The following TP63 variants were observed in gnomAD, a reference collection of about 807,000 sequenced individuals.
TP63 encodes tumor protein p63, also known as tumor protein 63.
In TP63, 17 loss-of-function variants were observed where a neutral mutation model predicts 82.8. The observed-to-expected ratio is 0.21, with a 90% confidence interval of 0.14 to 0.31. TP63 has a LOEUF of 0.31. TP63 is among the 10% of genes least tolerant of loss of function. The pLI is 1.00. For synonymous variants in TP63, 330 were observed against 321.7 expected (o/e 1.03, Z -0.28); for missense variants, 648 against 895.3 (o/e 0.72, Z 3.52).
rs71175304 is a variant in TP63 at position 189,694,790 on chromosome 3, C to CTTTTTTTTTTT, written c.63-42927_63-42917dup. 4.5e-3 allele frequency among the ~76,000 whole-genome samples: 147 copies of CTTTTTTTTTTT among 32,756 alleles called. 30 individuals carry two copies. The highest frequency in any genetic ancestry group is 6.4e-3 in the Admixed American group (9 of 1,408). 21.5% of individuals were successfully genotyped at this position (32,756 alleles called of 152,430 possible). On this transcript the variant is annotated intron_variant, in intron 1 of 13. Transcript: ENST00000264731. ...TTGAAAGGAGGCCAGTATTTACAGC[C>CTTTTTTTTTTT]TTTTTTTTTTTTTTTTTTTTTTTTT... is the stretch of plus-strand genomic sequence containing the variant.
chr3:189,806,935 G>A (rs1005422126), intron 3 of TP63, among the ~76,000 whole-genome samples: 2 of 152,034 alleles, frequency 1.3e-5, no homozygotes. Context: ...AAAAAGATAA[G>A]CCTAGCTCCT....
chr3:189,715,243 T>C (rs1023231146), intron 1 of TP63, among the ~76,000 whole-genome samples: 1 of 152,158 alleles, frequency 6.6e-6, no homozygotes, highest in South Asian at 2.1e-4. Flanking sequence ...TTAGTCACCC[T>C]GAGTAGGAAA....
At chr3:189,661,403 G>A (rs565821214) in intron 1 of TP63, among the ~76,000 whole-genome samples, 24 of 151,866 alleles carry the variant, frequency 1.6e-4, no homozygotes, top group Non-Finnish European at 2.8e-4. Context: ...TGAACCCAGC[G>A]TGCATCCCAG....
chr3:189,820,069 G>T (rs992433738), intron 4 of TP63, among the ~76,000 whole-genome samples: 2 of 152,068 alleles, frequency 1.3e-5, no homozygotes, highest in African/African-American at 4.8e-5. Context: ...TTTATCTATT[G>T]TCAATGACTA....
the TP63 span, among the ~76,000 whole-genome samples, chr3:189,618,774 C>G: frequency 6.6e-6 from 1 of 152,126 alleles, no homozygotes; most frequent in African/African-American, 2.4e-5. Flanking sequence ...ACATAGTCTT[C>G]TGGTGAATTT....
intron 3 of TP63, among the ~76,000 whole-genome samples, chr3:189,763,299 G>A (rs1309021703): frequency 6.6e-6 from 1 of 151,836 alleles, no homozygotes; most frequent in Non-Finnish European, 1.5e-5. Context: ...AAAAAGGAGG[G>A]TACTGCTGGG....
At chr3:189,878,589 T>C (rs1560292910) in intron 10 of TP63, among the ~76,000 whole-genome samples, 1 of 87,170 alleles carries the variant, frequency 1.1e-5, no homozygotes, top group East Asian at 2.8e-4. Flanking sequence ...ATAATTTTTT[T>C]TTTCTTTTTT....
chr3:189,705,476 A>G (rs1221591122), intron 1 of TP63, among the ~76,000 whole-genome samples: 1 of 148,942 alleles, frequency 6.7e-6, no homozygotes, highest in East Asian at 2.0e-4. Context: ...TTCTTATTCA[A>G]TTCTTTTCAT....
At chr3:189,759,965 G>A (rs1487892031) in intron 3 of TP63, among the ~76,000 whole-genome samples, 1 of 152,216 alleles carries the variant, frequency 6.6e-6, no homozygotes, top group Admixed American at 6.5e-5. Context: ...GAGAGCTTGT[G>A]TGGAGAAACT....
At chr3:189,638,880 T>A (rs1711560902) in intron 1 of TP63, among the ~76,000 whole-genome samples, 1 of 152,130 alleles carries the variant, frequency 6.6e-6, no homozygotes, top group Non-Finnish European at 1.5e-5. Flanking sequence ...CACCCAGTTT[T>A]GAAAATCACT....
the TP63 span, among the ~76,000 whole-genome samples, chr3:189,623,261 G>T: frequency 6.6e-6 from 1 of 152,134 alleles, no homozygotes; most frequent in Non-Finnish European, 1.5e-5. Context: ...GTGAATCTAT[G>T]TCTGAAAGAG....
chr3:189,750,935 A>G (rs1721771020), intron 3 of TP63, among the ~76,000 whole-genome samples: 1 of 152,046 alleles, frequency 6.6e-6, no homozygotes, highest in African/African-American at 2.4e-5. Flanking sequence ...AATCATTTGT[A>G]TTAAGTGTTT....
At chr3:189,741,178 C>T (rs1397222591) in intron 3 of TP63, among the ~76,000 whole-genome samples, 1 of 150,868 alleles carries the variant, frequency 6.6e-6, no homozygotes, top group Non-Finnish European at 1.5e-5. Flanking sequence ...AATAAACTTG[C>T]CTATCTGTGG....
chr3:189,859,809 T>C (rs1053088468), intron 4 of TP63, among the ~76,000 whole-genome samples: 1 of 152,140 alleles, frequency 6.6e-6, no homozygotes, highest in Non-Finnish European at 1.5e-5. Flanking sequence ...TGAAGTGCTA[T>C]TCAAAAATAC....
intron 3 of TP63, among the ~76,000 whole-genome samples, chr3:189,797,350 C>T (rs905961052): frequency 2.0e-5 from 3 of 152,054 alleles, no homozygotes; most frequent in South Asian, 4.1e-4. Context: ...TTACCACCCC[C>T]GAAGTGAGCT....
At chr3:189,632,154 T>C (rs1163443229) in intron 1 of TP63, among the ~76,000 whole-genome samples, 1 of 152,162 alleles carries the variant, frequency 6.6e-6, no homozygotes, top group Non-Finnish European at 1.5e-5. Flanking sequence ...TTAGTGAGGG[T>C]GCACAATTGT....
At chr3:189,894,001 G>A (rs1721272079) in intron 13 of TP63, among the ~76,000 whole-genome samples, 1 of 152,140 alleles carries the variant, frequency 6.6e-6, no homozygotes, top group Admixed American at 6.5e-5. Context: ...GTTCTACACA[G>A]GCAGGAAAGA....
chr3:189,698,018 A>C (rs970226107), intron 1 of TP63, among the ~76,000 whole-genome samples: 3 of 152,068 alleles, frequency 2.0e-5, no homozygotes, highest in African/African-American at 4.8e-5. Flanking sequence ...TGTGTATTTT[A>C]ATATGATTTT....
rs115960456 is a variant in TP63, at chr3:189,811,122, A to T, written c.579+2596A>T. 7.2e-3 allele frequency among the ~76,000 whole-genome samples: 1,096 copies of T among 152,328 alleles called. 10 individuals are homozygous for T. The highest frequency in any genetic ancestry group is 0.026 in the African/African-American group (1,065 of 41,574). On this transcript the variant is annotated intron_variant, in intron 4 of 13. Transcript: ENST00000264731. ...ACTGACTGAGAGACAGAAAACCTGG[A>T]TTATGGTCTTGATCATTTATGCAAA...
Sources: gnomAD v4.1 joint callset for allele counts (sites outside exome capture counted in the v4.1 genomes callset) on GRCh38, gnomAD v4.1.1 for gene constraint, MANE v1.5 for transcripts, NCBI Gene and HGNC (gene_info 2026-07-23, HGNC 2026-07-21) for gene names.